NUP98: variants seen among roughly 807,000 people sequenced by gnomAD.
NUP98 encodes the protein nucleoporin 98 and 96 precursor.
Under a neutral mutation model 191.9 loss-of-function variants are expected in NUP98, and 26 were observed. The ratio of observed to expected loss-of-function variants is 0.14; its 90% CI spans 0.10 to 0.19. NUP98 has a LOEUF of 0.19. Among genes scored for constraint, NUP98 ranks in the 10% least tolerant of loss-of-function variants. The probability of loss-of-function intolerance (pLI) is 1.00; values close to 1 mark genes in which losing one functional copy is unlikely to be tolerated. For missense variants in NUP98, 1,941 were observed against 2,178.8 expected (o/e 0.89, Z 2.17); for synonymous variants, 808 against 778.4 (o/e 1.04, Z -0.63).
intron 1 of NUP98, among the ~76,000 whole-genome samples, chr11:3,792,632 C>T (rs2082393617): frequency 6.6e-6 from 1 of 150,794 alleles, no homozygotes; most frequent in Admixed American, 6.6e-5. Context: ...AACAAACAAA[C>T]AAAAAAACAA....
chr11:3,725,136 G>T lies in NUP98; in HGVS notation c.1814C>A (p.Ala605Asp). Residue 605 changes from alanine to aspartate, a missense_variant, in exon 15 of 33, where the codon GCT becomes GAT. Physicochemically the swap from Ala to Asp is moderately radical, Grantham distance 126 (BLOSUM62 -2). This residue lies in a region of NUP98 where 453 missense variants were observed against 438.2 expected (regional missense o/e 1.03). Transcript: ENST00000324932. ...SPVNRDSENL[A>D]SPSEYPENGE... ...ATTTTCTGGATATTCAGATGGTGAA[G>T]CTAGATTTTCTGAATCACGATTAAC... The T allele has an allele frequency of 6.3e-7, 1 of 1,592,426 alleles. No individual in the cohort carries two copies. The highest frequency in any genetic ancestry group is 8.6e-7 in the Non-Finnish European group (1 of 1,161,224).
At chr11:3,720,932 C>T in intron 16 of NUP98, 107 bp from the exon 17 acceptor site, 1 of 586,966 alleles carries the variant, frequency 1.7e-6, no homozygotes, top group Non-Finnish European at 3.0e-6. Context: ...ATTTTCCAAA[C>T]TACTTTTCTA....
chr11:3,725,590 G>A (rs989285010), intron 14 of NUP98, among the ~76,000 whole-genome samples: 2 of 151,970 alleles, frequency 1.3e-5, no homozygotes, highest in African/African-American at 4.8e-5. Context: ...CTCTCTTTTG[G>A]CAGTACAAAC....
At position 3,688,787 on chromosome 11, in the gene NUP98, T is replaced by C. The variant is rs190253186; in HGVS notation, c.4454+2560A>G. Among the ~76,000 whole-genome samples the C allele has an allele frequency of 1.7e-3, 235 of 138,608 alleles. 8 individuals are homozygous for C. The East Asian group carries it at 0.042, about 25-fold the overall frequency. 90.9% of individuals were successfully genotyped at this position (138,608 alleles called of 152,430 possible). A position where few individuals can be genotyped will look rare whatever the true frequency, so the allele number is the denominator to read the frequency against. On this transcript the variant is annotated intron_variant, in intron 28 of 32. Transcript: ENST00000324932. Reference sequence around the variant, plus strand: ...TCTAGACTGGGCGACAGAGAGAGACTGTCTCGAAAATATATATATGTATTT... The same window carrying C: ...TCTAGACTGGGCGACAGAGAGAGACCGTCTCGAAAATATATATATGTATTT...
chr11:3,771,954 A>C (rs773987387), intron 6 of NUP98, 26 bp from the exon 7 acceptor site: 7 of 1,590,708 alleles, frequency 4.4e-6, no homozygotes, highest in Non-Finnish European at 6.0e-6. Flanking sequence ...ACATATTTCT[A>C]ATCTTAACAT....
Position 3,753,423 on chromosome 11 carries a change from G to T in NUP98, c.1175-15C>A, listed in dbSNP as rs1317660692. On this transcript the variant is annotated splice_polypyrimidine_tract_variant and intron_variant, in intron 10 of 32. Coordinates refer to ENST00000324932, the MANE Select transcript of NUP98 (RefSeq NM_016320.5). Reference sequence around the variant, plus strand: ...TGTGCCAAAACCTAGGAAGACAAAAGAATGAGTGGATTGTACTTTTAATAT... The same window carrying T: ...TGTGCCAAAACCTAGGAAGACAAAATAATGAGTGGATTGTACTTTTAATAT... 1.9e-6 allele frequency: 3 copies of T among 1,583,046 alleles called. No individual in the cohort carries two copies. The highest frequency in any genetic ancestry group is 3.3e-5 in the Admixed American group (2 of 59,702).
chr11:3,795,372 G>A (rs927074752), intron 1 of NUP98, among the ~76,000 whole-genome samples: 1 of 152,202 alleles, frequency 6.6e-6, no homozygotes, highest in African/African-American at 2.4e-5. Flanking sequence ...CTTGAGCCCA[G>A]GAGGTAGAGG....
Position 3,797,547 on chromosome 11 carries a change from C to T in NUP98, c.-176G>A, listed in dbSNP as rs1056267413. ...GCTTCGGGCGCAGCGCGCAGAGGGC[C>T]CGACTGCGTCACACGCCGCCCGGCG... is the stretch of plus-strand genomic sequence containing the variant. On this transcript the variant is annotated 5_prime_UTR_variant, in exon 1 of 33. Coordinates refer to ENST00000324932, the MANE Select transcript of NUP98 (RefSeq NM_016320.5). The T allele has an allele frequency of 2.1e-6, 1 of 480,646 alleles. No homozygotes were observed. The highest frequency in any genetic ancestry group is 3.6e-6 in the Non-Finnish European group (1 of 274,506). The allele number at this position is 480,646 out of a possible 1,614,324, so 29.8% of individuals were successfully genotyped here. A position where few individuals can be genotyped will look rare whatever the true frequency, so the allele number is the denominator to read the frequency against.
intron 26 of NUP98, among the ~76,000 whole-genome samples, chr11:3,694,021 A>C (rs1380083527): frequency 6.7e-6 from 1 of 149,766 alleles, no homozygotes; most frequent in Admixed American, 6.7e-5. Context: ...ACCTGAGGTC[A>C]GGAGTTCCAG....
chr11:3,787,413 T>TC (rs1256878456), intron 1 of NUP98, among the ~76,000 whole-genome samples: 1 of 151,622 alleles, frequency 6.6e-6, no homozygotes, highest in African/African-American at 2.4e-5. Flanking sequence ...GAAACCCCCG[T>TC]CTCTAATAAA....
intron 31 of NUP98, 130 bp from the exon 32 acceptor site, chr11:3,676,750 G>C (rs2077825206): frequency 1.3e-6 from 1 of 797,816 alleles, no homozygotes; most frequent in Non-Finnish European, 2.2e-6. Context: ...TGATGACACA[G>C]GGCCAAGCCA....
At chr11:3,735,166 T>C (rs775791392) in intron 13 of NUP98, 25 bp downstream of exon 13, 1 of 1,537,292 alleles carries the variant, frequency 6.5e-7, no homozygotes, top group Admixed American at 2.0e-5. Flanking sequence ...GATATGATAT[T>C]TTACAGAAGT....
Position 3,720,776 on chromosome 11 carries a change from G to C in NUP98, c.2196C>G (p.Asp732Glu). 1 of 1,557,304 alleles carries C rather than the reference G, an allele frequency of 6.4e-7. No homozygotes were observed. Among genetic ancestry groups the C allele is most frequent in the Non-Finnish European group, 8.7e-7 (1 of 1,144,742 alleles). Residue 732 changes from aspartate to glutamate, a missense_variant, in exon 17 of 33, where the codon GAC becomes GAG. Around this residue, in one of 6 missense-constraint regions of NUP98, gnomAD observed 453 missense variants for 438.2 expected, o/e 1.03. Transcript: ENST00000324932. ...VGYYTIPSMD[D>E]LAKITNEKGE... ...CTTTTTCATTGGTAATTTTAGCAAG[G>C]TCATCCATAGATGGAATAGTATAGT...
In NUP98 at chr11:3,683,181, T is replaced by C. The variant is rs1419514337; in HGVS notation, c.4918+19A>G. 1.2e-6 allele frequency: 2 copies of C among 1,613,456 alleles called. No individual in the cohort carries two copies. Among genetic ancestry groups the C allele is most frequent in the Non-Finnish European group, 1.7e-6 (2 of 1,179,582 alleles). ...AGGAATTTGGGGTGATTCCAGGAGA[T>C]GTGGAACCCAGCACTCACCAGAAGC... On this transcript the variant is annotated intron_variant, in intron 30 of 32. Coordinates refer to ENST00000324932, the MANE Select transcript of NUP98 (RefSeq NM_016320.5).
At chr11:3,763,750 T>C (rs2081250525) in intron 8 of NUP98, among the ~76,000 whole-genome samples, 1 of 152,064 alleles carries the variant, frequency 6.6e-6, no homozygotes, top group Non-Finnish European at 1.5e-5. Context: ...GGTTTCACAA[T>C]GTGCCCAGGC....
chr11:3,743,540 A>G (rs1291557141), intron 12 of NUP98, among the ~76,000 whole-genome samples: 1 of 149,678 alleles, frequency 6.7e-6, no homozygotes, highest in African/African-American at 2.4e-5. Context: ...CCAGCTACTC[A>G]AGAGGCTGAG....
chr11:3,796,713 T>C (rs2082614171), intron 1 of NUP98, among the ~76,000 whole-genome samples: 1 of 152,214 alleles, frequency 6.6e-6, no homozygotes, highest in African/African-American at 2.4e-5. Context: ...AAATCTGGCA[T>C]TGGCTAATCC....
chr11:3,793,072 C>G (rs552315772), intron 1 of NUP98, among the ~76,000 whole-genome samples: 1 of 152,228 alleles, frequency 6.6e-6, no homozygotes, highest in South Asian at 2.1e-4. Context: ...GATAGCGCCA[C>G]TGCACTCCGA....
At chr11:3,774,118 G>A (rs1469155140) in intron 5 of NUP98, among the ~76,000 whole-genome samples, 1 of 152,108 alleles carries the variant, frequency 6.6e-6, no homozygotes, top group African/African-American at 2.4e-5. Flanking sequence ...AAATACGGAG[G>A]GCCAGGAGCG....
Sources: gnomAD v4.1 joint callset for allele counts (sites outside exome capture counted in the v4.1 genomes callset) on GRCh38, gnomAD v4.1.1 for gene constraint, gnomAD v4.1.1 regional missense constraint, MANE v1.5 for transcripts, NCBI Gene and HGNC (gene_info 2026-07-23, HGNC 2026-07-21) for gene names.